Variants in LAMA2 observed in about 807,000 individuals in gnomAD.
LAMA2 encodes laminin subunit alpha 2, also known as laminin subunit alpha-2.
A neutral mutation model predicts 364.8 loss-of-function variants in LAMA2; 269 were observed. The ratio of observed to expected loss-of-function variants is 0.74; its 90% CI spans 0.67 to 0.82. The LOEUF is 0.82. Ranked by LOEUF, LAMA2 falls within the 40% of genes least tolerant of loss-of-function variation. The probability of loss-of-function intolerance (pLI) is 0.00; values close to 1 mark genes in which losing one functional copy is unlikely to be tolerated. For synonymous variants in LAMA2, 1,379 were observed against 1,370.6 expected, an observed-to-expected ratio of 1.01 and a Z score of -0.14; for missense variants, 3,807 against 3,873.2, an observed-to-expected ratio of 0.98 and a Z score of 0.45.
intron 29 of LAMA2, among the ~76,000 whole-genome samples, chr6:129,329,149 C>T (rs1775475292): frequency 6.6e-6 from 1 of 152,164 alleles, no homozygotes; most frequent in Non-Finnish European, 1.5e-5. Flanking sequence ...GTAATCTGCC[C>T]ACAGCTCATC....
intron 17 of LAMA2, among the ~76,000 whole-genome samples, chr6:129,279,593 C>T (rs189590066): frequency 1.2e-4 from 18 of 152,252 alleles, no homozygotes; most frequent in South Asian, 8.3e-4. Flanking sequence ...CACACAGGCA[C>T]GCCCCACTAT....
chr6:129,464,465 T>G lies in LAMA2; in HGVS notation c.7155+13T>G. ...CACACGAGACCTGGTAAAGATCATA[T>G]GCATAGCAGAGTTTCCGTGACTAAA... On this transcript the variant is annotated intron_variant, in intron 50 of 64. Transcript: ENST00000421865. 1 of 1,606,502 alleles carries G rather than the reference T, an allele frequency of 6.2e-7. No individual in the cohort carries two copies. The highest frequency in any genetic ancestry group is 8.5e-7 in the Non-Finnish European group (1 of 1,173,414).
intron 1 of LAMA2, among the ~76,000 whole-genome samples, chr6:128,884,256 A>G (rs1192904231): frequency 6.6e-6 from 1 of 152,188 alleles, no homozygotes; most frequent in Non-Finnish European, 1.5e-5. Context: ...ATTGTAAGAC[A>G]TACTTTGTAA....
At chr6:129,410,806 G>A (rs999099056) in intron 40 of LAMA2, among the ~76,000 whole-genome samples, 3 of 152,084 alleles carry the variant, frequency 2.0e-5, no homozygotes, top group Non-Finnish European at 4.4e-5. Context: ...ATGAAGAATT[G>A]GCTTACGTGA....
At chr6:129,024,539 A>T (rs1482655355) in intron 1 of LAMA2, among the ~76,000 whole-genome samples, 1 of 151,614 alleles carries the variant, frequency 6.6e-6, no homozygotes, top group Non-Finnish European at 1.5e-5. Flanking sequence ...ACCTGCCACC[A>T]TGCCAGCTAA....
Position 129,514,450 on chromosome 6 carries a change from T to C in LAMA2, c.9066T>C (p.Asp3022=), listed in dbSNP as rs2114939220. Reference sequence around the variant, plus strand: ...CTGGGGTTCCAGGGCATTTGTGTGATGGACAATGGCATAAAGTCACTGCCA... The same window carrying C: ...CTGGGGTTCCAGGGCATTTGTGTGACGGACAATGGCATAAAGTCACTGCCA... The part of the protein sequence containing the change: ...YDAGVPGHLC[D]GQWHKVTANK... Residue 3022 remains aspartate (D), a synonymous_variant, in exon 64 of 65, where the codon GAT becomes GAC. Transcript: ENST00000421865. The C allele has an allele frequency of 3.7e-6, 6 of 1,614,050 alleles. No individual in the cohort carries two copies. Among genetic ancestry groups the C allele is most frequent in the Non-Finnish European group, 4.2e-6 (5 of 1,179,962 alleles).
intron 1 of LAMA2, among the ~76,000 whole-genome samples, chr6:129,047,731 A>T (rs992938719): frequency 3.9e-5 from 6 of 152,310 alleles, no homozygotes; most frequent in African/African-American, 1.4e-4. Flanking sequence ...TTATAATTGC[A>T]ATTTTTACTG....
chr6:129,450,834 A>G (rs1782639208), intron 45 of LAMA2, among the ~76,000 whole-genome samples: 1 of 152,212 alleles, frequency 6.6e-6, no homozygotes, highest in South Asian at 2.1e-4. Context: ...AATTCCAGTC[A>G]GATCTTGATT....
chr6:129,430,704 C>T (rs998346311), intron 41 of LAMA2, among the ~76,000 whole-genome samples: 2 of 151,988 alleles, frequency 1.3e-5, no homozygotes, highest in African/African-American at 2.4e-5. Context: ...GTGGCTCATG[C>T]CCTGTAATTC....
At chr6:128,968,405 A>G (rs987050819) in intron 1 of LAMA2, among the ~76,000 whole-genome samples, 1 of 152,224 alleles carries the variant, frequency 6.6e-6, no homozygotes. Context: ...TTTTTATTTT[A>G]GAGGGGATAG....
chr6:129,297,581 C>G (rs1382308844), intron 20 of LAMA2, 104 bp from the exon 21 acceptor site: 1 of 1,047,150 alleles, frequency 9.5e-7, no homozygotes, highest in Non-Finnish European at 1.5e-6. Flanking sequence ...ATCCTGATAA[C>G]TCCTAAGTTC....
chr6:129,211,650 C>T (rs1783108312), intron 12 of LAMA2, among the ~76,000 whole-genome samples: 1 of 152,170 alleles, frequency 6.6e-6, no homozygotes, highest in Admixed American at 6.5e-5. Flanking sequence ...TTTCTTTCTA[C>T]CATTTTCCTG....
chr6:129,308,841 A>G (rs765393019), intron 22 of LAMA2, among the ~76,000 whole-genome samples: 8 of 152,172 alleles, frequency 5.3e-5, no homozygotes, highest in Non-Finnish European at 1.2e-4. Flanking sequence ...AGACTTCCAC[A>G]TGGCAGGATC....
intron 1 of LAMA2, among the ~76,000 whole-genome samples, chr6:128,974,154 C>T (rs1782373867): frequency 6.6e-6 from 1 of 152,174 alleles, no homozygotes; most frequent in Non-Finnish European, 1.5e-5. Context: ...ATACAGGGTA[C>T]ACCATTTATG....
chr6:129,161,677 T>A (rs1475719603), intron 8 of LAMA2, among the ~76,000 whole-genome samples: 2 of 152,114 alleles, frequency 1.3e-5, no homozygotes, highest in Non-Finnish European at 2.9e-5. Context: ...AAGCAGGCCC[T>A]GGTGTCTATT....
At chr6:128,930,846 A>G (rs1779427018) in intron 1 of LAMA2, among the ~76,000 whole-genome samples, 1 of 152,202 alleles carries the variant, frequency 6.6e-6, no homozygotes, top group Non-Finnish European at 1.5e-5. Flanking sequence ...AGACCATCAC[A>G]GTGTGCATCT....
chr6:129,212,988 G>A (rs1783196152), intron 12 of LAMA2, among the ~76,000 whole-genome samples: 1 of 152,176 alleles, frequency 6.6e-6, no homozygotes, highest in South Asian at 2.1e-4. Flanking sequence ...TGCTTTGGAA[G>A]CACATATTTT....
chr6:129,261,980 A>C (rs1476511297), intron 15 of LAMA2, among the ~76,000 whole-genome samples: 1 of 152,100 alleles, frequency 6.6e-6, no homozygotes, highest in Non-Finnish European at 1.5e-5. Context: ...ATTCCAAACT[A>C]TTTGAACTTT....
rs56972149 is a variant in LAMA2 at position 128,890,542 on chromosome 6, TACACACAC to T, written c.112+7205_112+7212del. ...TCTTGAAGGGTCTTTTTCATTTAAA[TACACACAC>T]ACACACACACACACACACATGCTGC... On this transcript the variant is annotated intron_variant, in intron 1 of 64. Coordinates refer to ENST00000421865, the MANE Select transcript of LAMA2 (RefSeq NM_000426.4). Among the ~76,000 whole-genome samples, 4 of 147,336 alleles carry T rather than the reference TACACACAC, an allele frequency of 2.7e-5. No individual in the cohort carries two copies. The Admixed American group carries it at 2.7e-4, about 10-fold the overall frequency.
Sources: allele counts gnomAD v4.1 joint callset (sites outside exome capture counted in the v4.1 genomes callset), GRCh38; gene constraint gnomAD v4.1.1; transcripts MANE v1.5; gene names NCBI Gene and HGNC (gene_info 2026-07-23, HGNC 2026-07-21).